The following L3MBTL4 variants were observed in gnomAD, a reference collection of about 807,000 sequenced individuals.
The protein encoded by L3MBTL4 is L3MBTL histone methyl-lysine binding protein 4.
A neutral mutation model predicts 84.5 loss-of-function variants in L3MBTL4; 70 were observed. The ratio of observed to expected loss-of-function variants is 0.83; its 90% confidence interval spans 0.68 to 1.01. The LOEUF is 1.01. L3MBTL4 is among the 50% of genes least tolerant of loss of function. L3MBTL4 has a pLI of 0.00. For missense variants in L3MBTL4, 715 were observed against 754.8 expected (o/e 0.95, Z 0.62); for synonymous variants, 274 against 259.8 (o/e 1.05, Z -0.52).
intron 17 of L3MBTL4, among the ~76,000 whole-genome samples, chr18:5,965,842 A>G (rs942387671): frequency 1.3e-5 from 2 of 152,316 alleles, no homozygotes; most frequent in Middle Eastern, 3.4e-3. Context: ...TATGCTCAAC[A>G]GTAGGGAATA....
intron 2 of L3MBTL4, 110 bp downstream of exon 2, chr18:6,311,888 T>G (rs908245331): frequency 1.2e-5 from 4 of 341,732 alleles, no homozygotes; most frequent in African/African-American, 8.5e-5. Context: ...ATGGGGAAAA[T>G]AGATATTATT....
chr18:6,368,211 C>CA (rs2054013308), intron 1 of L3MBTL4, among the ~76,000 whole-genome samples: 1 of 152,060 alleles, frequency 6.6e-6, no homozygotes, highest in Non-Finnish European at 1.5e-5. Context: ...CTGCTCTGTG[C>CA]TGCTTCTCCA....
At chr18:6,369,685 G>A (rs2054079152) in intron 1 of L3MBTL4, among the ~76,000 whole-genome samples, 3 of 152,146 alleles carry the variant, frequency 2.0e-5, no homozygotes, top group African/African-American at 7.2e-5. Context: ...GTTGGAAAGG[G>A]GGATATGCAA....
At chr18:6,168,296 T>G (rs1308434149) in intron 13 of L3MBTL4, among the ~76,000 whole-genome samples, 3 of 152,152 alleles carry the variant, frequency 2.0e-5, no homozygotes, top group Non-Finnish European at 4.4e-5. Context: ...AAGCTACCAA[T>G]GACCTTCTTC....
chr18:6,397,231 T>C (rs753797199), intron 1 of L3MBTL4: 4 of 152,146 alleles, frequency 2.6e-5, no homozygotes, highest in Non-Finnish European at 5.9e-5. Context: ...AAACAGTAAA[T>C]GTACTTCTCT....
chr18:6,246,259 T>C (rs562847099), intron 5 of L3MBTL4, among the ~76,000 whole-genome samples: 6 of 152,356 alleles, frequency 3.9e-5, no homozygotes, highest in African/African-American at 1.4e-4. Context: ...TAATCATTTT[T>C]ATCTGTCAAA....
intron 4 of L3MBTL4, among the ~76,000 whole-genome samples, chr18:6,299,964 G>A (rs754596717): frequency 1.4e-4 from 22 of 152,104 alleles, no homozygotes; most frequent in Non-Finnish European, 2.5e-4. Context: ...GAGCCACCAC[G>A]CCTGACCTAT....
chr18:5,962,706 C>T (rs1431014037), intron 17 of L3MBTL4, among the ~76,000 whole-genome samples: 1 of 152,150 alleles, frequency 6.6e-6, no homozygotes, highest in Non-Finnish European at 1.5e-5. Context: ...AGGACCACAG[C>T]GCTGCAGGAA....
chr18:6,154,953 C>A (rs931234906), intron 13 of L3MBTL4, among the ~76,000 whole-genome samples: 1 of 152,004 alleles, frequency 6.6e-6, no homozygotes. Flanking sequence ...AAGAAAATTA[C>A]GGAAAATGTT....
At chr18:6,132,471 G>A (rs953282794) in intron 14 of L3MBTL4, among the ~76,000 whole-genome samples, 2 of 152,182 alleles carry the variant, frequency 1.3e-5, no homozygotes, top group African/African-American at 4.8e-5. Flanking sequence ...CAGCAGCCCT[G>A]AGCATGTGTG....
chr18:5,972,904 GAATAGAATAGAAT>G (rs2052721077), intron 16 of L3MBTL4, among the ~76,000 whole-genome samples: 1 of 15,246 alleles, frequency 6.6e-5, no homozygotes, highest in Non-Finnish European at 1.2e-4. Context: ...GAATAGAATA[GAATAGAATAGAAT>G]AGAATAGAAT....
chr18:5,994,964 T>C (rs2053883146), intron 16 of L3MBTL4, among the ~76,000 whole-genome samples: 1 of 152,256 alleles, frequency 6.6e-6, no homozygotes, highest in South Asian at 2.1e-4. Context: ...GAGATAAGCC[T>C]CCCTTTTGTT....
chr18:6,205,779 G>A (rs2045850456), intron 12 of L3MBTL4, among the ~76,000 whole-genome samples: 1 of 152,156 alleles, frequency 6.6e-6, no homozygotes, highest in East Asian at 1.9e-4. Flanking sequence ...TCTTCCAGTG[G>A]TTAAAAATAG....
intron 15 of L3MBTL4, among the ~76,000 whole-genome samples, chr18:6,091,864 C>T (rs138306374): frequency 6.1e-4 from 92 of 152,022 alleles, no homozygotes; most frequent in East Asian, 2.3e-3. Flanking sequence ...AGATTAAGGG[C>T]GAACGGATGT....
chr18:6,312,868 G>A (rs1211523252), intron 1 of L3MBTL4, among the ~76,000 whole-genome samples: 1 of 152,062 alleles, frequency 6.6e-6, no homozygotes, highest in East Asian at 1.9e-4. Context: ...TCTTTGCAAA[G>A]CAAGGTTCCT....
At chr18:6,038,232 T>A (rs1428888303) in intron 16 of L3MBTL4, among the ~76,000 whole-genome samples, 3 of 146,762 alleles carry the variant, frequency 2.0e-5, no homozygotes, top group Non-Finnish European at 4.5e-5. Context: ...TAGAGGATAC[T>A]AGAAATCCAT....
At chr18:6,070,512 CA>C (rs35237218) in intron 16 of L3MBTL4, among the ~76,000 whole-genome samples, 16,404 of 132,392 alleles carry the variant, frequency 0.12, 1,387 homozygotes, top group African/African-American at 0.26. Flanking sequence ...AAAACTTACT[CA>C]AAAAAAAAAA....
intron 16 of L3MBTL4, among the ~76,000 whole-genome samples, chr18:6,006,578 T>C (rs1407337402): frequency 1.3e-5 from 2 of 151,868 alleles, no homozygotes; most frequent in African/African-American, 2.4e-5. Flanking sequence ...CATGAAGGAA[T>C]TGCAGGCAAA....
intron 16 of L3MBTL4, 69 bp downstream of exon 16, chr18:6,080,812 G>T: frequency 1.7e-6 from 2 of 1,165,490 alleles, no homozygotes; most frequent in South Asian, 1.5e-5. Flanking sequence ...AAACCAAACA[G>T]TCAAACAAAT....
Sources: gnomAD v4.1 joint callset for allele counts (sites outside exome capture counted in the v4.1 genomes callset) on GRCh38, gnomAD v4.1.1 for gene constraint, MANE v1.5 for transcripts, NCBI Gene and HGNC (gene_info 2026-07-23, HGNC 2026-07-21) for gene names.